IP6K2: variants seen among roughly 807,000 people sequenced by gnomAD.
The protein encoded by IP6K2 is ATP:1D-myo-inositol-hexakisphosphate phosphotransferase.
IP6K2 carries 9 observed loss-of-function variants against 43.3 expected under a neutral mutation model. The observed-to-expected ratio is 0.21, with a 90% CI of 0.13 to 0.36. The LOEUF (loss-of-function observed/expected upper bound fraction) is 0.36. Among genes scored for constraint, IP6K2 ranks in the 10% least tolerant of loss-of-function variants. IP6K2 has a pLI of 1.00. For missense variants in IP6K2, 332 were observed against 538.4 expected (o/e 0.62, Z 3.79); for synonymous variants, 209 against 202.4 (o/e 1.03, Z -0.28).
Position 48,688,803 on chromosome 3 carries a change from C to A in IP6K2, c.781-30G>T. On this transcript the variant is annotated intron_variant, in intron 5 of 5. Coordinates refer to ENST00000328631, the MANE Select transcript of IP6K2 (RefSeq NM_016291.4). The surrounding 1 kb of genome is among the most constrained non-coding windows in gnomAD (Gnocchi z 5.1). ...AGGAGAGAGACCAGCAAGTCAGGGG[C>A]TGAGGGCCATCTCAAACCCTGGACC... 1 of 1,572,708 alleles carries A rather than the reference C, an allele frequency of 6.4e-7. No homozygotes were observed. Among genetic ancestry groups the A allele is most frequent in the Non-Finnish European group, 8.6e-7 (1 of 1,158,254 alleles).
intron 2 of IP6K2, chr3:48,694,010 T>TCGG: frequency 4.3e-5 from 60 of 1,383,994 alleles, no homozygotes; most frequent in South Asian, 2.8e-4. Flanking sequence ...GCTGAACACC[T>TCGG]TTCCTCCCAG....
chr3:48,701,822 C>T (rs1036934790), intron 1 of IP6K2, among the ~76,000 whole-genome samples: 2 of 152,074 alleles, frequency 1.3e-5, no homozygotes, highest in South Asian at 4.1e-4. Flanking sequence ...CGCTTGAGCA[C>T]GGGAGGCGGA....
chr3:48,695,211 C>G lies in IP6K2; in HGVS notation c.81G>C (p.Gly27=). 1 of 1,579,030 alleles carries G rather than the reference C, an allele frequency of 6.3e-7. No homozygotes were observed. The highest frequency in any genetic ancestry group is 8.6e-7 in the Non-Finnish European group (1 of 1,156,390). Reference sequence around the variant, plus strand: ...TGAAGCGGAGCACGCATGAGTGCCCCCCGACCTGGTGGACAAAGGGCTCCA... The same window carrying G: ...TGAAGCGGAGCACGCATGAGTGCCCGCCGACCTGGTGGACAAAGGGCTCCA... ...VLLEPFVHQV[G]GHSCVLRFNE... is the part of the protein sequence containing the mutation. The change falls in exon 2 of 6, where the codon GGG becomes GGC. Residue 27 remains glycine (G), a synonymous_variant. Transcript: ENST00000328631. This position sits in a 1 kb window ranked among gnomAD's most constrained non-coding sequence, Gnocchi z 4.6.
At chr3:48,694,187 AG>A in intron 2 of IP6K2, 2 of 1,551,200 alleles carry the variant, frequency 1.3e-6, no homozygotes, top group East Asian at 4.9e-5. Context: ...GGAAAGGACC[AG>A]GGGAAAAAAT....
At chr3:48,700,577 G>A (rs2078908473) in intron 1 of IP6K2, among the ~76,000 whole-genome samples, 1 of 152,252 alleles carries the variant, frequency 6.6e-6, no homozygotes, top group South Asian at 2.1e-4. Context: ...TCCTAGCACA[G>A]CATACAGTTT....
intron 2 of IP6K2, chr3:48,693,452 T>C: frequency 7.3e-7 from 1 of 1,373,880 alleles, no homozygotes; most frequent in Non-Finnish European, 9.6e-7. Context: ...GACACATTTT[T>C]CCATCATTGA....
intron 1 of IP6K2, among the ~76,000 whole-genome samples, chr3:48,710,860 C>T (rs564619886): frequency 2.0e-5 from 3 of 152,240 alleles, no homozygotes; most frequent in African/African-American, 7.2e-5. Context: ...CCATCCGCCT[C>T]GGCCGCCCAA....
intron 2 of IP6K2, chr3:48,694,574 G>A (rs1227129349): frequency 1.6e-5 from 24 of 1,524,936 alleles, no homozygotes; most frequent in African/African-American, 5.6e-5. Flanking sequence ...TATGTGAATC[G>A]AAGGGTTGCT....
intron 2 of IP6K2, chr3:48,693,987 T>TAAC: frequency 7.3e-7 from 1 of 1,374,848 alleles, no homozygotes. Context: ...GACGAGCGCC[T>TAAC]TACAAACGAC....
At chr3:48,689,083 T>C (rs1244290227) in intron 5 of IP6K2, among the ~76,000 whole-genome samples, 2 of 152,222 alleles carry the variant, frequency 1.3e-5, no homozygotes, top group Non-Finnish European at 2.9e-5. Flanking sequence ...ACCAGACCAA[T>C]CTGAGAGAGG....
chr3:48,707,446 T>A (rs998318892), intron 1 of IP6K2, among the ~76,000 whole-genome samples: 5 of 152,152 alleles, frequency 3.3e-5, no homozygotes, highest in African/African-American at 1.2e-4. Context: ...TTTTATTTTA[T>A]CTTTTGAGAT....
chr3:48,698,339 G>A (rs2078642124), intron 1 of IP6K2, among the ~76,000 whole-genome samples: 1 of 152,148 alleles, frequency 6.6e-6, no homozygotes, highest in African/African-American at 2.4e-5. Flanking sequence ...GCTCCTCATG[G>A]GCCAGGCTTT....
At position 48,694,408 on chromosome 3, in the gene IP6K2, A is replaced by G. The variant is rs2078080062; in HGVS notation, c.202+682T>C. 4 of 1,546,992 alleles carry G rather than the reference A, an allele frequency of 2.6e-6. No homozygotes were observed. The Admixed American group carries it at 7.9e-5, about 31-fold the overall frequency. ...AACCTAAGTTGTTCTAGAGTCCTTT[A>G]TGTAACCAGGTAATGCACATTTAAA... On this transcript the variant is annotated intron_variant, in intron 2 of 5. Coordinates refer to ENST00000328631, the MANE Select transcript of IP6K2 (RefSeq NM_016291.4).
At chr3:48,698,975 C>T (rs571038051) in intron 1 of IP6K2, among the ~76,000 whole-genome samples, 1 of 152,188 alleles carries the variant, frequency 6.6e-6, no homozygotes, top group East Asian at 1.9e-4. Flanking sequence ...ATGCAAATCC[C>T]TTATCAACTC....
At chr3:48,696,679 T>C (rs1163708620) in intron 1 of IP6K2, among the ~76,000 whole-genome samples, 2 of 152,224 alleles carry the variant, frequency 1.3e-5, no homozygotes, top group African/African-American at 4.8e-5. Context: ...TTGAGTTACA[T>C]TTCAGTATCT....
chr3:48,700,560 ACATC>A (rs1404327005), intron 1 of IP6K2, among the ~76,000 whole-genome samples: 3 of 152,188 alleles, frequency 2.0e-5, no homozygotes, highest in African/African-American at 7.2e-5. Context: ...GAAACACAGA[ACATC>A]CATCCTAGCA....
chr3:48,709,256 C>T lies in IP6K2; in HGVS notation c.-131+7901G>A, dbSNP rs113896298. Among the ~76,000 whole-genome samples, 6 of 152,340 alleles carry T rather than the reference C, an allele frequency of 3.9e-5. 1 individual carries two copies. The highest frequency in any genetic ancestry group is 9.6e-5 in the African/African-American group (4 of 41,580). On this transcript the variant is annotated intron_variant, in intron 1 of 5. Transcript: ENST00000328631. ...GGGCAGCCACAGAGGCAGGGCATCC[C>T]GGACCTGCCCAGGCAAGCACCTGAG...
intron 1 of IP6K2, among the ~76,000 whole-genome samples, chr3:48,713,226 G>GGCCC (rs2080767257): frequency 6.6e-6 from 1 of 152,192 alleles, no homozygotes; most frequent in African/African-American, 2.4e-5. Flanking sequence ...AAGCTCACAC[G>GGCCC]GCCCATGGGG....
chr3:48,701,567 C>CAAAAA (rs67509214), intron 1 of IP6K2, among the ~76,000 whole-genome samples: 1 of 47,444 alleles, frequency 2.1e-5, no homozygotes. Context: ...GACTCCGTCT[C>CAAAAA]AAAAAAAAAA....
Sources: allele counts gnomAD v4.1 joint callset (sites outside exome capture counted in the v4.1 genomes callset), GRCh38; gene constraint gnomAD v4.1.1; non-coding constraint Gnocchi (gnomAD v3.1); transcripts MANE v1.5; gene names NCBI Gene and HGNC (gene_info 2026-07-23, HGNC 2026-07-21).